The following ARHGAP26 variants were observed in gnomAD, a reference collection of about 807,000 sequenced individuals.
ARHGAP26 encodes rho GTPase-activating protein 26.
A neutral mutation model predicts 104.8 loss-of-function variants in ARHGAP26; 38 were observed. The observed-to-expected ratio is 0.36, with a 90% CI of 0.28 to 0.48. The LOEUF is 0.48. ARHGAP26 is among the 20% of genes least tolerant of loss of function. ARHGAP26 has a pLI of 0.99. For synonymous variants in ARHGAP26, 341 were observed against 340.0 expected (o/e 1.00, Z -0.03); for missense variants, 704 against 947.9 (o/e 0.74, Z 3.38).
At chr5:143,199,039 TC>T (rs35679838) in intron 20 of ARHGAP26, among the ~76,000 whole-genome samples, 1 of 152,244 alleles carries the variant, frequency 6.6e-6, no homozygotes. Context: ...AAAATGCATT[TC>T]CCTATTATTG....
intron 20 of ARHGAP26, among the ~76,000 whole-genome samples, chr5:143,178,875 A>AT (rs781057547): frequency 0.013 from 1,919 of 146,276 alleles, 21 homozygotes; most frequent in Middle Eastern, 0.025. Flanking sequence ...TAACTATATG[A>AT]TTTTTTTTTT....
chr5:143,197,907 G>A (rs116308181), intron 20 of ARHGAP26, among the ~76,000 whole-genome samples: 302 of 152,160 alleles, frequency 2.0e-3, no homozygotes, highest in African/African-American at 6.4e-3. Flanking sequence ...GCATAAAATC[G>A]TATAGGCCCA....
chr5:143,194,797 A>G (rs1198113747), intron 20 of ARHGAP26, among the ~76,000 whole-genome samples: 2 of 152,230 alleles, frequency 1.3e-5, no homozygotes, highest in African/African-American at 2.4e-5. Flanking sequence ...TCAAGTCAAT[A>G]AGCTCCTCAG....
intron 6 of ARHGAP26, among the ~76,000 whole-genome samples, chr5:142,899,499 G>T (rs1759968370): frequency 6.6e-6 from 1 of 152,202 alleles, no homozygotes; most frequent in Non-Finnish European, 1.5e-5. Flanking sequence ...CCTATGTCAG[G>T]CTGTGATGTT....
chr5:142,893,291 G>A (rs201892178), intron 5 of ARHGAP26, among the ~76,000 whole-genome samples: 1 of 151,906 alleles, frequency 6.6e-6, no homozygotes, highest in East Asian at 1.9e-4. Context: ...CCCTTTCTTA[G>A]CCTCTGATAA....
chr5:142,881,913 A>G (rs931745755), intron 4 of ARHGAP26, among the ~76,000 whole-genome samples: 1 of 152,162 alleles, frequency 6.6e-6, no homozygotes, highest in Non-Finnish European at 1.5e-5. Flanking sequence ...AGCCTGTTGG[A>G]GAGTGCACCA....
chr5:143,074,951 C>G (rs952232234), intron 17 of ARHGAP26, among the ~76,000 whole-genome samples: 2 of 152,210 alleles, frequency 1.3e-5, no homozygotes, highest in African/African-American at 4.8e-5. Context: ...GAACTACACT[C>G]CAGCTCTGTG....
intron 11 of ARHGAP26, among the ~76,000 whole-genome samples, chr5:142,993,309 A>G (rs1275665093): frequency 6.6e-6 from 1 of 151,868 alleles, no homozygotes; most frequent in Admixed American, 6.6e-5. Context: ...AGCTGGGACT[A>G]CAGGCGCCCG....
At chr5:142,808,904 T>G (rs1763545534) in intron 1 of ARHGAP26, among the ~76,000 whole-genome samples, 1 of 152,242 alleles carries the variant, frequency 6.6e-6, no homozygotes, top group African/African-American at 2.4e-5. Context: ...AACATATGTT[T>G]CATCCATATA....
chr5:143,176,498 GTTC>G (rs1239984820), intron 20 of ARHGAP26, among the ~76,000 whole-genome samples: 3 of 152,152 alleles, frequency 2.0e-5, no homozygotes, highest in East Asian at 1.9e-4. Flanking sequence ...CCCTCCTCTG[GTTC>G]TTCTTCCTGG....
chr5:142,867,197 A>T (rs897473929), intron 1 of ARHGAP26, among the ~76,000 whole-genome samples: 1 of 151,862 alleles, frequency 6.6e-6, no homozygotes, highest in Non-Finnish European at 1.5e-5. Context: ...GATATAGTTG[A>T]TTGCCACCTA....
chr5:142,789,382 A>G lies in ARHGAP26; in HGVS notation c.154+18467A>G, dbSNP rs185506601. 4.9e-4 allele frequency among the ~76,000 whole-genome samples: 75 copies of G among 152,344 alleles called. 1 individual carries two copies. Among genetic ancestry groups the G allele is most frequent in the African/African-American group, 1.8e-3 (74 of 41,572 alleles). On this transcript the variant is annotated intron_variant, in intron 1 of 22. Coordinates refer to ENST00000645722, the MANE Select transcript of ARHGAP26 (RefSeq NM_001135608.3). ...TTAGAGTAGACCTTGTACTCTGGCC[A>G]GTATTATATTGAATTTAATCCAGAT...
chr5:142,781,075 A>G (rs750164606), intron 1 of ARHGAP26, among the ~76,000 whole-genome samples: 23 of 152,262 alleles, frequency 1.5e-4, no homozygotes, highest in Middle Eastern at 6.8e-3. Context: ...TTTTGAGAGG[A>G]GGCAGGGAAA....
At chr5:142,883,735 C>T (rs1412835251) in intron 4 of ARHGAP26, among the ~76,000 whole-genome samples, 1 of 152,246 alleles carries the variant, frequency 6.6e-6, no homozygotes, top group Non-Finnish European at 1.5e-5. Flanking sequence ...CTCCCTTCCC[C>T]AAATGATGCC....
chr5:142,933,783 A>T (rs547601329), intron 11 of ARHGAP26, among the ~76,000 whole-genome samples: 1 of 152,212 alleles, frequency 6.6e-6, no homozygotes, highest in Non-Finnish European at 1.5e-5. Flanking sequence ...TGGACATGTT[A>T]TTACTTCAAA....
At chr5:142,880,667 A>T (rs575969753) in intron 4 of ARHGAP26, among the ~76,000 whole-genome samples, 31 of 152,318 alleles carry the variant, frequency 2.0e-4, no homozygotes, top group African/African-American at 7.0e-4. Flanking sequence ...CTGTGAGTCA[A>T]TTCAGCTGCG....
chr5:142,920,346 GT>G (rs1763038854), intron 10 of ARHGAP26, among the ~76,000 whole-genome samples: 1 of 152,188 alleles, frequency 6.6e-6, no homozygotes, highest in Non-Finnish European at 1.5e-5. Flanking sequence ...GAAAATATTT[GT>G]TTAGGCTAAA....
At chr5:143,081,975 G>T (rs929416572) in intron 17 of ARHGAP26, among the ~76,000 whole-genome samples, 1 of 136,854 alleles carries the variant, frequency 7.3e-6, no homozygotes, top group South Asian at 2.3e-4. Context: ...GCGCCACTGC[G>T]CTCCAGCCTG....
At chr5:142,997,380 C>T (rs1562230317) in intron 11 of ARHGAP26, among the ~76,000 whole-genome samples, 1 of 152,034 alleles carries the variant, frequency 6.6e-6, no homozygotes, top group Non-Finnish European at 1.5e-5. Flanking sequence ...AGCTGTCATA[C>T]TGTAAACAAA....
Sources: gnomAD v4.1 joint callset for allele counts (sites outside exome capture counted in the v4.1 genomes callset) on GRCh38, gnomAD v4.1.1 for gene constraint, MANE v1.5 for transcripts, NCBI Gene and HGNC (gene_info 2026-07-23, HGNC 2026-07-21) for gene names.